The following DUSP16 variants were observed in gnomAD, a reference collection of about 807,000 sequenced individuals.
The protein encoded by DUSP16 is dual specificity phosphatase 16.
DUSP16 carries 21 observed loss-of-function variants against 58.3 expected under a neutral mutation model. The ratio of observed to expected loss-of-function variants is 0.36; its 90% CI spans 0.26 to 0.52. The LOEUF is 0.52. Among genes scored for constraint, DUSP16 ranks in the 20% least tolerant of loss-of-function variants. The probability of loss-of-function intolerance (pLI) is 0.94; values close to 1 mark genes in which losing one functional copy is unlikely to be tolerated. For missense variants in DUSP16, 726 were observed against 819.0 expected (o/e 0.89, Z 1.39); for synonymous variants, 320 against 323.8 (o/e 0.99, Z 0.12).
chr12:12,514,245 C>T (rs1173245553), intron 3 of DUSP16, among the ~76,000 whole-genome samples: 1 of 152,140 alleles, frequency 6.6e-6, no homozygotes, highest in Non-Finnish European at 1.5e-5. Flanking sequence ...ACAGAAAACA[C>T]AGGCTACAGC....
chr12:12,554,986 G>A (rs1566061967), intron 1 of DUSP16, among the ~76,000 whole-genome samples: 1 of 152,162 alleles, frequency 6.6e-6, no homozygotes, highest in Non-Finnish European at 1.5e-5. Flanking sequence ...ATCTTCTCGA[G>A]GAATTTTCTT....
At chr12:12,497,253 T>C (rs1254246170) in intron 4 of DUSP16, among the ~76,000 whole-genome samples, 3 of 152,248 alleles carry the variant, frequency 2.0e-5, no homozygotes, top group Non-Finnish European at 1.5e-5. Context: ...AAATTATGTA[T>C]GTGACTTGCA....
chr12:12,552,907 A>C (rs982511009), intron 1 of DUSP16, among the ~76,000 whole-genome samples: 30 of 151,816 alleles, frequency 2.0e-4, no homozygotes, highest in African/African-American at 7.0e-4. Context: ...CAGCCTCCCA[A>C]GTAGCTGGGA....
Position 12,562,473 on chromosome 12 carries a change from G to A in DUSP16, c.-722C>T, listed in dbSNP as rs1041812493. The A allele has an allele frequency of 1.3e-5, 2 of 148,628 alleles. No homozygotes were observed. Among genetic ancestry groups the A allele is most frequent in the Non-Finnish European group, 3.0e-5 (2 of 67,544 alleles). The allele number at this position is 148,628 out of a possible 1,614,324, so 9.2% of individuals were successfully genotyped here. ...GTGGGGGGCCGCGTTGTGAAAGTGG[G>A]GGTTGGGGGGGAGAGAGAGGTGGTA... On this transcript the variant is annotated 5_prime_UTR_variant, in exon 1 of 7. Coordinates refer to ENST00000298573, the MANE Select transcript of DUSP16 (RefSeq NM_030640.3).
chr12:12,506,512 G>C (rs1943999505), intron 3 of DUSP16, among the ~76,000 whole-genome samples: 1 of 152,152 alleles, frequency 6.6e-6, no homozygotes, highest in Non-Finnish European at 1.5e-5. Flanking sequence ...CTGAAGACTT[G>C]GCTCACTGTC....
At chr12:12,487,251 G>A in intron 4 of DUSP16, 64 bp from the exon 5 acceptor site, 1 of 1,545,092 alleles carries the variant, frequency 6.5e-7, no homozygotes, top group Non-Finnish European at 8.9e-7. Flanking sequence ...CATTCTGAAA[G>A]AGTGAAGTTT....
chr12:12,562,236 G>C lies in DUSP16; in HGVS notation c.-485C>G, dbSNP rs1194778775. On this transcript the variant is annotated 5_prime_UTR_variant, in exon 1 of 7. Coordinates refer to ENST00000298573, the MANE Select transcript of DUSP16 (RefSeq NM_030640.3). ...GCGCCGCCGCGGAGCCGAGAGGGCG[G>C]CTGCGCTCCCGCTCGCGTCCCGTCC... is the stretch of plus-strand genomic sequence containing the variant. The C allele has an allele frequency of 6.6e-6, 1 of 152,070 alleles. No individual in the cohort carries two copies. Among genetic ancestry groups the C allele is most frequent in the Non-Finnish European group, 1.5e-5 (1 of 68,070 alleles). The allele number at this position is 152,070 out of a possible 1,614,324, so 9.4% of individuals were successfully genotyped here.
At chr12:12,494,229 A>G (rs1340352684) in intron 4 of DUSP16, among the ~76,000 whole-genome samples, 1 of 152,230 alleles carries the variant, frequency 6.6e-6, no homozygotes, top group Non-Finnish European at 1.5e-5. Flanking sequence ...AAAATTTTAG[A>G]TTCTCAAATT....
At chr12:12,480,677 C>T (rs1329167331) in intron 5 of DUSP16, among the ~76,000 whole-genome samples, 1 of 152,164 alleles carries the variant, frequency 6.6e-6, no homozygotes, top group African/African-American at 2.4e-5. Flanking sequence ...TTATCTGACA[C>T]TTCAAATTTT....
intron 5 of DUSP16, among the ~76,000 whole-genome samples, chr12:12,485,044 C>T (rs1477966372): frequency 1.4e-5 from 2 of 147,406 alleles, no homozygotes; most frequent in African/African-American, 5.0e-5. Flanking sequence ...GAGTTTCACT[C>T]TGTTACCCAG....
At chr12:12,546,029 A>G (rs568934603) in intron 1 of DUSP16, among the ~76,000 whole-genome samples, 1 of 152,364 alleles carries the variant, frequency 6.6e-6, no homozygotes, top group East Asian at 1.9e-4. Context: ...TAACAGTAAC[A>G]TCATGTACTT....
At chr12:12,542,388 GAAAAAAAAAAAA>G (rs56822339) in intron 1 of DUSP16, among the ~76,000 whole-genome samples, 24 of 109,684 alleles carry the variant, frequency 2.2e-4, no homozygotes, top group Admixed American at 4.1e-4. Context: ...AAAGAAAAGA[GAAAAAAAAAAAA>G]AAAAAAAAAG....
At position 12,486,276 on chromosome 12, in the gene DUSP16, C is replaced by T. The variant is rs557777443; in HGVS notation, c.691+752G>A. ...GAGCTAGCAGTGTTTCTCCTCTGCT[C>T]AGCCACTGTCCACTAAAGCCACATT... is the stretch of plus-strand genomic sequence containing the variant. On this transcript the variant is annotated intron_variant, in intron 5 of 6. Coordinates refer to ENST00000298573, the MANE Select transcript of DUSP16 (RefSeq NM_030640.3). Among the ~76,000 whole-genome samples, 6 of 152,204 alleles carry T rather than the reference C, an allele frequency of 3.9e-5. No individual in the cohort carries two copies. In the East Asian group the frequency reaches 1.2e-3, roughly 29 times the overall value.
intron 1 of DUSP16, among the ~76,000 whole-genome samples, chr12:12,560,225 G>A (rs890056576): frequency 6.6e-6 from 1 of 151,496 alleles, no homozygotes; most frequent in Admixed American, 6.6e-5. Flanking sequence ...TATAGCAGAG[G>A]TTAATACTAA....
intron 1 of DUSP16, among the ~76,000 whole-genome samples, chr12:12,557,253 A>G (rs1944819153): frequency 6.6e-6 from 1 of 152,144 alleles, no homozygotes; most frequent in African/African-American, 2.4e-5. Flanking sequence ...CAGGAGATCG[A>G]GACCATCCTG....
intron 1 of DUSP16, among the ~76,000 whole-genome samples, chr12:12,534,286 C>G (rs1402867743): frequency 1.3e-5 from 2 of 152,174 alleles, no homozygotes; most frequent in Non-Finnish European, 2.9e-5. Context: ...GCACACTTCC[C>G]CCTGCTGGGG....
At chr12:12,512,636 C>G (rs752168195) in intron 3 of DUSP16, among the ~76,000 whole-genome samples, 3 of 152,108 alleles carry the variant, frequency 2.0e-5, no homozygotes, top group African/African-American at 4.8e-5. Flanking sequence ...CATATTGTTG[C>G]AAAATGGTAG....
chr12:12,559,034 C>G (rs1010847519), intron 1 of DUSP16, among the ~76,000 whole-genome samples: 18 of 152,270 alleles, frequency 1.2e-4, no homozygotes, highest in African/African-American at 3.6e-4. Flanking sequence ...AAAGCCTGAG[C>G]CTGCTTCTTT....
chr12:12,502,497 T>C (rs1199832416), intron 3 of DUSP16, among the ~76,000 whole-genome samples: 1 of 152,066 alleles, frequency 6.6e-6, no homozygotes, highest in Non-Finnish European at 1.5e-5. Context: ...AATCACAAAT[T>C]CCTTTGTGTC....
Sources: allele counts gnomAD v4.1 joint callset (sites outside exome capture counted in the v4.1 genomes callset), GRCh38; gene constraint gnomAD v4.1.1; transcripts MANE v1.5; gene names NCBI Gene and HGNC (gene_info 2026-07-23, HGNC 2026-07-21).